Variants in PTPRD observed in about 807,000 individuals in gnomAD.
The protein encoded by PTPRD is receptor-type tyrosine-protein phosphatase delta.
In PTPRD, 34 loss-of-function variants were observed where a neutral mutation model predicts 214.5. The observed-to-expected ratio is 0.16, with a 90% confidence interval of 0.12 to 0.21. PTPRD has a LOEUF of 0.21. Among genes scored for constraint, PTPRD ranks in the 10% least tolerant of loss-of-function variants. The pLI is 1.00. For synonymous variants in PTPRD, 1,128 were observed against 845.7 expected, an observed-to-expected ratio of 1.33 and a Z score of -5.79; for missense variants, 2,545 against 2,398.7, an observed-to-expected ratio of 1.06 and a Z score of -1.27.
intron 3 of PTPRD, among the ~76,000 whole-genome samples, chr9:10,038,085 T>A (rs2097221020): frequency 6.6e-6 from 1 of 152,150 alleles, no homozygotes; most frequent in Non-Finnish European, 1.5e-5. Flanking sequence ...CTGTCACATC[T>A]CATATTTGGT....
At chr9:10,058,904 G>C (rs2097706840) in intron 3 of PTPRD, among the ~76,000 whole-genome samples, 1 of 152,034 alleles carries the variant, frequency 6.6e-6, no homozygotes, top group Non-Finnish European at 1.5e-5. Flanking sequence ...CCTTAACTGA[G>C]ACAGCACATA....
chr9:8,945,663 T>G (rs908815442), intron 11 of PTPRD, among the ~76,000 whole-genome samples: 1 of 152,126 alleles, frequency 6.6e-6, no homozygotes, highest in African/African-American at 2.4e-5. Context: ...TACCTCACTG[T>G]CTTTTTCCTG....
chr9:10,164,137 A>G (rs1028784115), intron 3 of PTPRD, among the ~76,000 whole-genome samples: 1 of 151,460 alleles, frequency 6.6e-6, no homozygotes, highest in Admixed American at 6.6e-5. Flanking sequence ...GCATAAAAAT[A>G]CCTGCACTAA....
intron 8 of PTPRD, among the ~76,000 whole-genome samples, chr9:9,530,354 G>A (rs2075176586): frequency 6.6e-6 from 1 of 152,134 alleles, no homozygotes; most frequent in Non-Finnish European, 1.5e-5. Context: ...AGACTTTTAT[G>A]AGCAACTATA....
intron 35 of PTPRD, among the ~76,000 whole-genome samples, chr9:8,425,998 C>T (rs1535677): frequency 1.3e-5 from 2 of 151,914 alleles, no homozygotes; most frequent in Admixed American, 1.3e-4. Context: ...CACCCTTTAC[C>T]TTCCCCTAAT....
chr9:9,491,157 T>C (rs1589757489), intron 8 of PTPRD, among the ~76,000 whole-genome samples: 1 of 151,800 alleles, frequency 6.6e-6, no homozygotes, highest in South Asian at 2.1e-4. Flanking sequence ...GCTGCACAAA[T>C]ATAAGATTTT....
At chr9:9,969,384 T>C (rs1328075949) in intron 4 of PTPRD, among the ~76,000 whole-genome samples, 1 of 152,112 alleles carries the variant, frequency 6.6e-6, no homozygotes, top group Non-Finnish European at 1.5e-5. Context: ...ACCAATAGGG[T>C]ACCCTTGAAA....
At chr9:8,894,006 T>A (rs1408897574) in intron 11 of PTPRD, among the ~76,000 whole-genome samples, 1 of 152,140 alleles carries the variant, frequency 6.6e-6, no homozygotes, top group East Asian at 1.9e-4. Context: ...ACATTGTATT[T>A]TGTAAAGCAC....
chr9:8,518,696 C>T (rs1430885705), intron 20 of PTPRD, among the ~76,000 whole-genome samples: 1 of 152,170 alleles, frequency 6.6e-6, no homozygotes, highest in Non-Finnish European at 1.5e-5. Flanking sequence ...AGTGATCCTG[C>T]ACGCATTTCT....
At chr9:10,284,799 T>A (rs1292889567) in intron 3 of PTPRD, among the ~76,000 whole-genome samples, 2 of 151,438 alleles carry the variant, frequency 1.3e-5, no homozygotes, top group African/African-American at 4.9e-5. Flanking sequence ...AGAGAGAGCA[T>A]CTGCTGCTTC....
At chr9:10,013,952 C>A (rs2096650921) in intron 4 of PTPRD, among the ~76,000 whole-genome samples, 2 of 151,896 alleles carry the variant, frequency 1.3e-5, no homozygotes, top group Middle Eastern at 3.4e-3. Flanking sequence ...TTGAATGAAA[C>A]AAAGGACAAA....
At chr9:8,510,017 C>A (rs1194469234) in intron 21 of PTPRD, among the ~76,000 whole-genome samples, 2 of 152,160 alleles carry the variant, frequency 1.3e-5, no homozygotes, top group East Asian at 3.9e-4. Context: ...GGCATGGTAA[C>A]TCACATCTGT....
chr9:9,950,243 T>C (rs1022997046), intron 4 of PTPRD, among the ~76,000 whole-genome samples: 1 of 152,150 alleles, frequency 6.6e-6, no homozygotes, highest in Admixed American at 6.5e-5. Flanking sequence ...GGGACTTCCA[T>C]GTGACATCCA....
chr9:9,906,374 G>C (rs2077571399), intron 5 of PTPRD, among the ~76,000 whole-genome samples: 1 of 151,762 alleles, frequency 6.6e-6, no homozygotes, highest in Admixed American at 6.6e-5. Context: ...TGTTATCGTT[G>C]TCTTTATTTT....
intron 2 of PTPRD, among the ~76,000 whole-genome samples, chr9:10,574,695 C>T (rs888963799): frequency 2.6e-5 from 4 of 151,482 alleles, no homozygotes; most frequent in African/African-American, 7.3e-5. Context: ...AGAAAGTATG[C>T]TTCCATTTCT....
At chr9:9,273,884 C>T (rs573317561) in intron 9 of PTPRD, among the ~76,000 whole-genome samples, 17 of 151,356 alleles carry the variant, frequency 1.1e-4, no homozygotes, top group African/African-American at 3.6e-4. Context: ...ATTCGCCAAA[C>T]CTTCCAGAGG....
chr9:9,451,525 G>A (rs1349341042), intron 8 of PTPRD, among the ~76,000 whole-genome samples: 1 of 151,550 alleles, frequency 6.6e-6, no homozygotes, highest in East Asian at 1.9e-4. Context: ...AGCCTCAAAT[G>A]GTTTACCCAG....
In PTPRD at chr9:9,481,511, G is replaced by A. The variant is rs192293531; in HGVS notation, c.-236-84029C>T. 5.3e-4 allele frequency among the ~76,000 whole-genome samples: 80 copies of A among 152,246 alleles called. 1 individual carries two copies. Among genetic ancestry groups the A allele is most frequent in the Admixed American group, 3.8e-3 (58 of 15,276 alleles). On this transcript the variant is annotated intron_variant, in intron 8 of 45. Transcript: ENST00000381196. ...GTGTCTAGTGCCCATAGTACATTTA[G>A]AGGTCTACAAAATGTTTTAATTTTA...
chr9:10,507,934 C>A (rs2046594354), intron 2 of PTPRD, among the ~76,000 whole-genome samples: 1 of 152,100 alleles, frequency 6.6e-6, no homozygotes, highest in South Asian at 2.1e-4. Flanking sequence ...GCAACAAAAG[C>A]CAAAACTGAC....
Sources: gnomAD v4.1 joint callset for allele counts (sites outside exome capture counted in the v4.1 genomes callset) on GRCh38, gnomAD v4.1.1 for gene constraint, MANE v1.5 for transcripts, NCBI Gene and HGNC (gene_info 2026-07-23, HGNC 2026-07-21) for gene names.